FOXP2: variants seen among roughly 807,000 people sequenced by gnomAD.
FOXP2 encodes forkhead box protein P2.
In FOXP2, 12 loss-of-function variants were observed where a neutral mutation model predicts 115.8. The ratio of observed to expected loss-of-function variants is 0.10; its 90% confidence interval spans 0.07 to 0.17. The LOEUF (loss-of-function observed/expected upper bound fraction) is 0.17, where lower values mean the gene tolerates loss of function less well. Ranked by LOEUF, FOXP2 falls within the 10% of genes least tolerant of loss-of-function variation. The pLI, the probability that FOXP2 is intolerant of heterozygous loss-of-function variation, is 1.00. For missense variants in FOXP2, 629 were observed against 843.5 expected, an observed-to-expected ratio of 0.75 and a Z score of 3.15; for synonymous variants, 328 against 297.7, an observed-to-expected ratio of 1.10 and a Z score of -1.05.
chr7:114,282,276 G>A (rs948292628), intron 1 of FOXP2, among the ~76,000 whole-genome samples: 1 of 152,050 alleles, frequency 6.6e-6, no homozygotes, highest in Non-Finnish European at 1.5e-5. Context: ...TACAAATTAT[G>A]TTTTATTAAG....
At chr7:114,487,813 T>C (rs921544341) in intron 2 of FOXP2, among the ~76,000 whole-genome samples, 1 of 152,188 alleles carries the variant, frequency 6.6e-6, no homozygotes, top group African/African-American at 2.4e-5. Flanking sequence ...ATTGTTTATA[T>C]CACCATCAGC....
chr7:114,206,763 A>G (rs367634201), intron 1 of FOXP2, among the ~76,000 whole-genome samples: 1 of 152,222 alleles, frequency 6.6e-6, no homozygotes, highest in Non-Finnish European at 1.5e-5. Context: ...GCTATCTTAC[A>G]TGACCTACCT....
chr7:114,551,366 G>A (rs1800197878), intron 3 of FOXP2, among the ~76,000 whole-genome samples: 1 of 152,070 alleles, frequency 6.6e-6, no homozygotes, highest in Non-Finnish European at 1.5e-5. Context: ...ATTCTTCTAA[G>A]CCATTTTAAA....
At chr7:114,136,468 T>C (rs1250389693) in intron 1 of FOXP2, among the ~76,000 whole-genome samples, 1 of 152,040 alleles carries the variant, frequency 6.6e-6, no homozygotes, top group African/African-American at 2.4e-5. Flanking sequence ...TTTGATTATC[T>C]TTGCATAGTA....
chr7:114,177,553 C>T (rs1175557184), intron 1 of FOXP2, among the ~76,000 whole-genome samples: 1 of 151,976 alleles, frequency 6.6e-6, no homozygotes, highest in African/African-American at 2.4e-5. Context: ...TCAAATAATA[C>T]TTGAATGAAT....
chr7:114,649,191 A>G (rs1193543523), intron 8 of FOXP2, among the ~76,000 whole-genome samples: 2 of 152,090 alleles, frequency 1.3e-5, no homozygotes, highest in African/African-American at 4.8e-5. Flanking sequence ...ACCAATAAGT[A>G]AAAAAAGAAA....
intron 3 of FOXP2, among the ~76,000 whole-genome samples, chr7:114,558,929 C>T (rs73429369): frequency 6.6e-6 from 1 of 152,138 alleles, no homozygotes; most frequent in Non-Finnish European, 1.5e-5. Flanking sequence ...ACTGAGATGG[C>T]AATGTATACA....
chr7:114,325,646 T>C (rs1280813163), intron 2 of FOXP2, among the ~76,000 whole-genome samples: 2 of 152,024 alleles, frequency 1.3e-5, no homozygotes, highest in Non-Finnish European at 2.9e-5. Flanking sequence ...GCTACCATTA[T>C]AATAAACAAT....
At chr7:114,308,757 C>T (rs1004231004) in intron 2 of FOXP2, among the ~76,000 whole-genome samples, 1 of 152,158 alleles carries the variant, frequency 6.6e-6, no homozygotes, top group Non-Finnish European at 1.5e-5. Context: ...AATTGTCCAT[C>T]TGTAGGTGGT....
At chr7:114,536,289 A>G (rs1799387821) in intron 3 of FOXP2, among the ~76,000 whole-genome samples, 2 of 151,440 alleles carry the variant, frequency 1.3e-5, no homozygotes, top group Admixed American at 6.6e-5. Context: ...AAAATAGAGG[A>G]ATTCGCAGTT....
At chr7:114,357,433 T>C (rs1205677680) in intron 2 of FOXP2, among the ~76,000 whole-genome samples, 1 of 152,190 alleles carries the variant, frequency 6.6e-6, no homozygotes, top group Non-Finnish European at 1.5e-5. Context: ...ATTGGTTCAA[T>C]GATGTCATTG....
intron 2 of FOXP2, among the ~76,000 whole-genome samples, chr7:114,523,295 A>G (rs144574305): frequency 6.6e-6 from 1 of 152,176 alleles, no homozygotes; most frequent in Non-Finnish European, 1.5e-5. Context: ...TTTTGTTTCT[A>G]AGAATATTCT....
chr7:114,417,669 G>A (rs1368589558), intron 1 of FOXP2, among the ~76,000 whole-genome samples: 1 of 151,818 alleles, frequency 6.6e-6, no homozygotes, highest in Non-Finnish European at 1.5e-5. Flanking sequence ...TTTTAAAGCT[G>A]TGGTTTCCTA....
chr7:114,538,156 A>C (rs962573192), intron 3 of FOXP2, among the ~76,000 whole-genome samples: 1 of 151,652 alleles, frequency 6.6e-6, no homozygotes, highest in Non-Finnish European at 1.5e-5. Flanking sequence ...ACATCACCCC[A>C]CACACACATA....
chr7:114,169,451 A>G (rs192870554), intron 1 of FOXP2, among the ~76,000 whole-genome samples: 1 of 152,226 alleles, frequency 6.6e-6, no homozygotes, highest in Admixed American at 6.5e-5. Flanking sequence ...CCCTGTATCC[A>G]CTTTGTTTTG....
At chr7:114,172,352 C>T (rs1037026274) in intron 1 of FOXP2, among the ~76,000 whole-genome samples, 11 of 151,882 alleles carry the variant, frequency 7.2e-5, no homozygotes, top group Non-Finnish European at 1.0e-4. Flanking sequence ...GAGTTATGGG[C>T]GAGAGAGAAA....
At chr7:114,375,601 A>G (rs1792119482) in intron 2 of FOXP2, among the ~76,000 whole-genome samples, 1 of 152,218 alleles carries the variant, frequency 6.6e-6, no homozygotes, top group South Asian at 2.1e-4. Context: ...GGCAGACCTC[A>G]GTAAGGAAGG....
intron 2 of FOXP2, among the ~76,000 whole-genome samples, chr7:114,383,145 T>G (rs1036918144): frequency 1.3e-5 from 2 of 152,198 alleles, no homozygotes; most frequent in Non-Finnish European, 2.9e-5. Context: ...TAGTGTCTGA[T>G]TTAGCAGTGA....
At chr7:114,323,097 T>G (rs1278476594) in intron 2 of FOXP2, among the ~76,000 whole-genome samples, 2 of 152,166 alleles carry the variant, frequency 1.3e-5, no homozygotes, top group Non-Finnish European at 2.9e-5. Context: ...TATCAAGGCA[T>G]GTCTATGTAT....
Sources: allele counts gnomAD v4.1 joint callset (sites outside exome capture counted in the v4.1 genomes callset), GRCh38; gene constraint gnomAD v4.1.1; transcripts MANE v1.5; gene names NCBI Gene and HGNC (gene_info 2026-07-23, HGNC 2026-07-21).